Variants in RBFOX1 observed in about 807,000 individuals in gnomAD.
RBFOX1 encodes RNA binding fox-1 homolog 1.
A neutral mutation model predicts 57.7 loss-of-function variants in RBFOX1; 8 were observed. The observed-to-expected ratio is 0.14, with a 90% CI of 0.08 to 0.25. The LOEUF (loss-of-function observed/expected upper bound fraction) is 0.25, where lower values mean the gene tolerates loss of function less well. Among genes scored for constraint, RBFOX1 ranks in the 10% least tolerant of loss-of-function variants. The pLI, the probability that RBFOX1 is intolerant of heterozygous loss-of-function variation, is 1.00. For synonymous variants in RBFOX1, 326 were observed against 222.4 expected (o/e 1.47, Z -4.15); for missense variants, 611 against 548.5 (o/e 1.11, Z -1.14).
intron 1 of RBFOX1, among the ~76,000 whole-genome samples, chr16:6,282,410 G>C (rs867331729): frequency 6.9e-6 from 1 of 145,606 alleles, no homozygotes; most frequent in African/African-American, 2.5e-5. Flanking sequence ...TACGTGTTCA[G>C]AGAGAGTGTG....
intron 4 of RBFOX1, among the ~76,000 whole-genome samples, chr16:6,013,061 C>T (rs1260796171): frequency 6.6e-6 from 1 of 152,138 alleles, no homozygotes; most frequent in Non-Finnish European, 1.5e-5. Context: ...TCATCATCAT[C>T]ATCATTGTTG....
At chr16:6,574,687 C>G (rs1277574376) in intron 2 of RBFOX1, among the ~76,000 whole-genome samples, 2 of 95,876 alleles carry the variant, frequency 2.1e-5, no homozygotes, top group Non-Finnish European at 4.1e-5. Flanking sequence ...CTCGGCCTCC[C>G]AAAGTGCTGG....
intron 2 of RBFOX1, among the ~76,000 whole-genome samples, chr16:6,378,657 C>G (rs1426882963): frequency 6.6e-6 from 1 of 152,180 alleles, no homozygotes; most frequent in Non-Finnish European, 1.5e-5. Context: ...CATTGGTCAT[C>G]CCAGAGCTCA....
intron 3 of RBFOX1, among the ~76,000 whole-genome samples, chr16:6,707,527 T>C (rs2062975988): frequency 6.9e-6 from 1 of 144,878 alleles, no homozygotes; most frequent in Admixed American, 7.0e-5. Flanking sequence ...TGAACATCCT[T>C]GTACATGCAT....
At chr16:5,648,556 C>G (rs2049123601) in intron 3 of RBFOX1, among the ~76,000 whole-genome samples, 1 of 152,020 alleles carries the variant, frequency 6.6e-6, no homozygotes, top group African/African-American at 2.4e-5. Context: ...TGGGCGGAGA[C>G]CAGGGATGCT....
intron 3 of RBFOX1, among the ~76,000 whole-genome samples, chr16:6,960,330 C>T (rs1000579992): frequency 2.0e-5 from 3 of 152,162 alleles, no homozygotes; most frequent in African/African-American, 7.2e-5. Context: ...CGAATGCACA[C>T]TTACAGGTAG....
At chr16:5,696,016 T>G (rs1022335887) in intron 3 of RBFOX1, among the ~76,000 whole-genome samples, 5 of 152,174 alleles carry the variant, frequency 3.3e-5, no homozygotes, top group African/African-American at 1.2e-4. Context: ...TAGAGGAAAA[T>G]GTCAAACACG....
intron 3 of RBFOX1, among the ~76,000 whole-genome samples, chr16:5,759,762 C>T (rs933911537): frequency 2.0e-5 from 3 of 151,160 alleles, no homozygotes; most frequent in Non-Finnish European, 2.9e-5. Flanking sequence ...TTTCTGATCT[C>T]CCTGATCCTG....
At chr16:6,180,275 T>A (rs939839729) in intron 1 of RBFOX1, among the ~76,000 whole-genome samples, 5 of 152,058 alleles carry the variant, frequency 3.3e-5, no homozygotes, top group African/African-American at 1.2e-4. Context: ...TGTGAAGTTT[T>A]TTTTGCCTAC....
At chr16:7,251,301 C>T (rs4423437) in intron 4 of RBFOX1, among the ~76,000 whole-genome samples, 2 of 151,876 alleles carry the variant, frequency 1.3e-5, no homozygotes, top group African/African-American at 4.8e-5. Flanking sequence ...TTTCACTCAA[C>T]ATGACATCCT....
chr16:6,698,446 C>T (rs748808890), intron 3 of RBFOX1, among the ~76,000 whole-genome samples: 3 of 152,060 alleles, frequency 2.0e-5, no homozygotes, highest in African/African-American at 4.8e-5. Context: ...CTCCTGTGGC[C>T]GCCATAACGC....
At chr16:6,091,131 C>G (rs1325346586) in intron 1 of RBFOX1, among the ~76,000 whole-genome samples, 1 of 152,194 alleles carries the variant, frequency 6.6e-6, no homozygotes, top group Non-Finnish European at 1.5e-5. Flanking sequence ...CCTTACTGTG[C>G]TGTGGAACAT....
At chr16:7,631,735 C>G (rs1198945649) in intron 11 of RBFOX1, among the ~76,000 whole-genome samples, 17 of 152,122 alleles carry the variant, frequency 1.1e-4, no homozygotes, top group Admixed American at 1.1e-3. Flanking sequence ...GGAGAATCCT[C>G]ACCATCGTGC....
At chr16:6,813,504 C>T (rs557886385) in intron 3 of RBFOX1, among the ~76,000 whole-genome samples, 1 of 152,258 alleles carries the variant, frequency 6.6e-6, no homozygotes, top group African/African-American at 2.4e-5. Context: ...TTCCCCAGCC[C>T]TATGCTATGA....
chr16:5,644,981 A>C (rs1254543129), intron 3 of RBFOX1, among the ~76,000 whole-genome samples: 1 of 152,088 alleles, frequency 6.6e-6, no homozygotes, highest in Non-Finnish European at 1.5e-5. Context: ...GGATGGTGTA[A>C]TCCCAGCACT....
chr16:7,475,595 G>C (rs932027394), intron 4 of RBFOX1, among the ~76,000 whole-genome samples: 2 of 152,156 alleles, frequency 1.3e-5, no homozygotes, highest in Admixed American at 1.3e-4. Flanking sequence ...TTACAGGTGT[G>C]AGCCACACAC....
intron 1 of RBFOX1, among the ~76,000 whole-genome samples, chr16:6,270,343 C>G (rs552800071): frequency 6.7e-6 from 1 of 148,932 alleles, no homozygotes; most frequent in East Asian, 2.0e-4. Flanking sequence ...AAACTCCTTT[C>G]AAATTTAATA....
intron 3 of RBFOX1, among the ~76,000 whole-genome samples, chr16:7,019,681 C>A (rs1173966706): frequency 6.6e-6 from 1 of 151,994 alleles, no homozygotes; most frequent in African/African-American, 2.4e-5. Flanking sequence ...TGACTTGGAC[C>A]AGAAAAAAAG....
chr16:5,403,330 A>G (rs1185863984), intron 1 of RBFOX1, among the ~76,000 whole-genome samples: 3 of 149,736 alleles, frequency 2.0e-5, no homozygotes, highest in Admixed American at 6.7e-5. Flanking sequence ...AGTCTGGGAA[A>G]CAGACTGAAA....
Sources: gnomAD v4.1 joint callset for allele counts (sites outside exome capture counted in the v4.1 genomes callset) on GRCh38, gnomAD v4.1.1 for gene constraint, MANE v1.5 for transcripts, NCBI Gene and HGNC (gene_info 2026-07-23, HGNC 2026-07-21) for gene names.